The following ENOX1 variants were observed in gnomAD, a reference collection of about 807,000 sequenced individuals.
ENOX1 encodes the protein ecto-NOX disulfide-thiol exchanger 1, also known as candidate growth-related and time keeping constitutive hydroquinone (NADH) oxidase.
In ENOX1, 42 loss-of-function variants were observed where a neutral mutation model predicts 82.5. The observed-to-expected ratio is 0.51, with a 90% CI of 0.40 to 0.66. ENOX1 has a LOEUF of 0.66. Among genes scored for constraint, ENOX1 ranks in the 30% least tolerant of loss-of-function variants. The probability of loss-of-function intolerance (pLI) is 0.00; values close to 1 mark genes in which losing one functional copy is unlikely to be tolerated. For synonymous variants in ENOX1, 271 were observed against 282.2 expected (o/e 0.96, Z 0.40); for missense variants, 608 against 811.6 (o/e 0.75, Z 3.05).
chr13:43,515,420 G>A (rs1237962028), intron 2 of ENOX1, among the ~76,000 whole-genome samples: 1 of 152,098 alleles, frequency 6.6e-6, no homozygotes, highest in African/African-American at 2.4e-5. Flanking sequence ...TGGAGTATCC[G>A]TTTTTCATCA....
At chr13:43,427,295 C>T (rs573790011) in intron 3 of ENOX1, among the ~76,000 whole-genome samples, 14 of 152,240 alleles carry the variant, frequency 9.2e-5, no homozygotes, top group Admixed American at 3.3e-4. Context: ...CTCACATCCT[C>T]GATCTCATGA....
At chr13:43,230,333 T>C (rs2042222893) in intron 15 of ENOX1, among the ~76,000 whole-genome samples, 1 of 151,534 alleles carries the variant, frequency 6.6e-6, no homozygotes, top group Non-Finnish European at 1.5e-5. Context: ...GAGGAGGGAA[T>C]GGTGACTGTG....
intron 2 of ENOX1, among the ~76,000 whole-genome samples, chr13:43,559,057 T>C (rs1352622784): frequency 2.6e-5 from 4 of 152,156 alleles, no homozygotes; most frequent in African/African-American, 7.2e-5. Context: ...AGTAAAAATA[T>C]GTTACCAGAG....
intron 2 of ENOX1, among the ~76,000 whole-genome samples, chr13:43,630,183 T>C (rs746955999): frequency 3.3e-5 from 5 of 152,210 alleles, no homozygotes; most frequent in African/African-American, 7.2e-5. Flanking sequence ...CAAATAAGCA[T>C]TAAGTGGACA....
At chr13:43,297,206 G>A (rs920245310) in intron 12 of ENOX1, among the ~76,000 whole-genome samples, 1 of 152,060 alleles carries the variant, frequency 6.6e-6, no homozygotes, top group African/African-American at 2.4e-5. Context: ...TTCCCAATCC[G>A]TGATTCTTTT....
chr13:43,583,530 T>C (rs1486919380), intron 2 of ENOX1, among the ~76,000 whole-genome samples: 1 of 152,210 alleles, frequency 6.6e-6, no homozygotes, highest in African/African-American at 2.4e-5. Context: ...CCTCCGCTAA[T>C]TTTGTATCTA....
At chr13:43,306,067 T>C (rs557134288) in intron 11 of ENOX1, among the ~76,000 whole-genome samples, 19 of 152,246 alleles carry the variant, frequency 1.2e-4, no homozygotes, top group African/African-American at 4.1e-4. Context: ...CCTCACACTG[T>C]GTAGTGGGAG....
chr13:43,778,022 T>C (rs979370830), intron 1 of ENOX1, among the ~76,000 whole-genome samples: 1 of 152,226 alleles, frequency 6.6e-6, no homozygotes, highest in African/African-American at 2.4e-5. Context: ...CCCAGTAAGC[T>C]CTTTGCTGAC....
chr13:43,338,693 T>G (rs1378089176), intron 9 of ENOX1, among the ~76,000 whole-genome samples: 1 of 139,254 alleles, frequency 7.2e-6, no homozygotes, highest in Non-Finnish European at 1.6e-5. Context: ...TTTTTTTTTT[T>G]TTTTTTTTTT....
At chr13:43,408,898 T>A (rs2053955393) in intron 5 of ENOX1, among the ~76,000 whole-genome samples, 1 of 151,582 alleles carries the variant, frequency 6.6e-6, no homozygotes. Context: ...AGAAATGGAA[T>A]AAAGAACTCA....
rs113545926 is a variant in ENOX1, at chr13:43,726,755, A to T, written c.-284-59211T>A. On this transcript the variant is annotated intron_variant, in intron 1 of 16. Transcript: ENST00000690772. Reference sequence around the variant, plus strand: ...GTGTGTGTGTGTGTGTGTGTGTGTGAGAGAGAGACAGGGTCTCACTGTGTC... The same window carrying T: ...GTGTGTGTGTGTGTGTGTGTGTGTGTGAGAGAGACAGGGTCTCACTGTGTC... Among the ~76,000 whole-genome samples the T allele has an allele frequency of 7.8e-3, 891 of 114,044 alleles. 4 individuals carry two copies. The highest frequency in any genetic ancestry group is 0.02 in the African/African-American group (652 of 32,688). The allele number at this position is 114,044 out of a possible 152,430, so 74.8% of individuals were successfully genotyped here.
At chr13:43,770,391 G>GT (rs2153837038) in intron 1 of ENOX1, among the ~76,000 whole-genome samples, 1 of 152,264 alleles carries the variant, frequency 6.6e-6, no homozygotes, top group South Asian at 2.1e-4. Flanking sequence ...ATGAAAAAGA[G>GT]TAAGAAATAG....
intron 1 of ENOX1, among the ~76,000 whole-genome samples, chr13:43,729,109 G>A (rs1011560496): frequency 5.9e-5 from 9 of 152,122 alleles, no homozygotes; most frequent in African/African-American, 1.9e-4. Context: ...TGCTTTGCCT[G>A]AGGTCATTCA....
intron 5 of ENOX1, among the ~76,000 whole-genome samples, chr13:43,397,425 G>C (rs1296947259): frequency 1.3e-5 from 2 of 152,204 alleles, no homozygotes; most frequent in African/African-American, 2.4e-5. Context: ...ATGGAGACTG[G>C]AGTCACCTCA....
chr13:43,605,104 A>AT (rs2081919615), intron 2 of ENOX1, among the ~76,000 whole-genome samples: 1 of 152,174 alleles, frequency 6.6e-6, no homozygotes, highest in Non-Finnish European at 1.5e-5. Context: ...AAAAATATGT[A>AT]TTTTACAAAA....
chr13:43,475,868 C>T (rs1429553249), intron 3 of ENOX1, among the ~76,000 whole-genome samples: 2 of 143,314 alleles, frequency 1.4e-5, no homozygotes, highest in African/African-American at 5.1e-5. Context: ...AGAGCCTAAA[C>T]TCTAAGATAT....
At chr13:43,467,361 C>T (rs1030735164) in intron 3 of ENOX1, among the ~76,000 whole-genome samples, 7 of 152,202 alleles carry the variant, frequency 4.6e-5, no homozygotes, top group East Asian at 1.9e-4. Flanking sequence ...TATAGTAATT[C>T]GACAGACAGT....
chr13:43,408,391 A>G (rs1322555566), intron 5 of ENOX1, among the ~76,000 whole-genome samples: 4 of 152,176 alleles, frequency 2.6e-5, no homozygotes, highest in Admixed American at 2.6e-4. Context: ...ATTTAGAAAT[A>G]TCAGAAACTT....
At chr13:43,298,061 A>G (rs769861998) in intron 12 of ENOX1, among the ~76,000 whole-genome samples, 27 of 152,222 alleles carry the variant, frequency 1.8e-4, no homozygotes, top group Non-Finnish European at 3.7e-4. Context: ...GGTATTTGCC[A>G]TGGGGCTATA....
Sources: gnomAD v4.1 joint callset for allele counts (sites outside exome capture counted in the v4.1 genomes callset) on GRCh38, gnomAD v4.1.1 for gene constraint, MANE v1.5 for transcripts, NCBI Gene and HGNC (gene_info 2026-07-23, HGNC 2026-07-21) for gene names.